Variants in CRYBG1 observed in about 807,000 individuals in gnomAD.
CRYBG1 encodes the protein beta/gamma crystallin domain-containing protein 1.
Under a neutral mutation model 189.2 loss-of-function variants are expected in CRYBG1, and 139 were observed. The ratio of observed to expected loss-of-function variants is 0.73; its 90% CI spans 0.64 to 0.85. The LOEUF is 0.85. Ranked by LOEUF, CRYBG1 falls within the 40% of genes least tolerant of loss-of-function variation. CRYBG1 has a pLI of 0.00. For missense variants in CRYBG1, 2,611 were observed against 2,675.8 expected (o/e 0.98, Z 0.53); for synonymous variants, 1,023 against 1,017.1 (o/e 1.01, Z -0.11).
chr6:106,553,660 G>T, intron 16 of CRYBG1, 93 bp downstream of exon 16: 1 of 849,382 alleles, frequency 1.2e-6, no homozygotes, highest in Non-Finnish European at 2.0e-6. Flanking sequence ...TTAGGTGCTT[G>T]GCACTATGCG....
rs772228590 is a variant in CRYBG1 at position 106,521,028 on chromosome 6, C to T, written c.3820C>T (p.Gln1274Ter). ...TATGACCACGGCTTTCAGTACTTCT[C>T]AGAACGGTTCCCTATCTCAGTCTTC... is the stretch of plus-strand genomic sequence containing the variant. ...NTMTTAFSTS[Q>*]NGSLSQSSVS... Residue 1274 changes from glutamine (Q) to a stop codon, truncating the protein, a stop_gained, in exon 4 of 22, where the codon CAG (glutamine) becomes TAG (stop). Transcript: ENST00000633556. LOFTEE classifies it high-confidence loss of function. 3 of 1,614,162 alleles carry T rather than the reference C, an allele frequency of 1.9e-6. No homozygotes were observed. Among genetic ancestry groups the T allele is most frequent in the Non-Finnish European group, 2.5e-6 (3 of 1,180,020 alleles).
At position 106,546,804 on chromosome 6, in the gene CRYBG1, A is replaced by C. The variant is rs75329146; in HGVS notation, c.5312+1871A>C. ...TCTTTAAAGCTAATTATTTAGGAGGAAAACATAGTGACCAACTTAGTCTGG... is the reference window on the plus strand; with the variant it reads ...TCTTTAAAGCTAATTATTTAGGAGGCAAACATAGTGACCAACTTAGTCTGG... On this transcript the variant is annotated intron_variant, in intron 13 of 21. Transcript: ENST00000633556. Among the ~76,000 whole-genome samples the C allele has an allele frequency of 2.6e-3, 399 of 152,364 alleles. 2 individuals are homozygous for C. Among genetic ancestry groups the C allele is most frequent in the Admixed American group, 4.1e-3 (63 of 15,298 alleles).
At chr6:106,444,317 A>C (rs907302244) in intron 1 of CRYBG1, among the ~76,000 whole-genome samples, 1 of 152,208 alleles carries the variant, frequency 6.6e-6, no homozygotes, top group Non-Finnish European at 1.5e-5. Context: ...TCTTATAAAG[A>C]GAAGCTGAAA....
intron 1 of CRYBG1, among the ~76,000 whole-genome samples, chr6:106,389,976 T>C (rs1770470009): frequency 6.6e-6 from 1 of 152,152 alleles, no homozygotes; most frequent in African/African-American, 2.4e-5. Context: ...GGATACTTTT[T>C]GTGTAAACCT....
chr6:106,420,428 G>A (rs1192194658), intron 1 of CRYBG1, among the ~76,000 whole-genome samples: 1 of 152,192 alleles, frequency 6.6e-6, no homozygotes, highest in African/African-American at 2.4e-5. Flanking sequence ...CAGTAAGTCT[G>A]CATTTTACAT....
chr6:106,558,446 C>T (rs1774612345), intron 17 of CRYBG1, 40 bp from the exon 18 acceptor site: 3 of 1,464,490 alleles, frequency 2.0e-6, no homozygotes, highest in Non-Finnish European at 2.8e-6. Context: ...GAATTATTAA[C>T]AAAGATGAAT....
chr6:106,499,904 G>A (rs1017185211), intron 2 of CRYBG1, among the ~76,000 whole-genome samples: 1 of 152,108 alleles, frequency 6.6e-6, no homozygotes, highest in African/African-American at 2.4e-5. Context: ...CTAAATATAA[G>A]TGAGATCATG....
chr6:106,540,220 G>A (rs1041780115), intron 9 of CRYBG1, among the ~76,000 whole-genome samples: 17 of 152,306 alleles, frequency 1.1e-4, no homozygotes, highest in Middle Eastern at 3.4e-3. Context: ...GAAGCAGGCC[G>A]CATCTGTCTT....
At chr6:106,368,505 T>C (rs542221934) in intron 1 of CRYBG1, among the ~76,000 whole-genome samples, 1 of 152,154 alleles carries the variant, frequency 6.6e-6, no homozygotes, top group Admixed American at 6.5e-5. Flanking sequence ...CTAATGCTTG[T>C]GAGGAGCTTA....
At chr6:106,549,576 T>TA (rs141485884) in intron 13 of CRYBG1, among the ~76,000 whole-genome samples, 210 of 146,110 alleles carry the variant, frequency 1.4e-3, no homozygotes, top group Non-Finnish European at 2.4e-3. Flanking sequence ...CTGACTCTAC[T>TA]AAAAAAAATA....
intron 2 of CRYBG1, among the ~76,000 whole-genome samples, chr6:106,500,282 G>A (rs1469647841): frequency 6.6e-6 from 1 of 152,108 alleles, no homozygotes; most frequent in East Asian, 1.9e-4. Context: ...CACCAACAGT[G>A]TATAAGAATT....
chr6:106,484,658 C>T (rs996510931), intron 2 of CRYBG1, among the ~76,000 whole-genome samples: 14 of 152,060 alleles, frequency 9.2e-5, no homozygotes, highest in Non-Finnish European at 2.1e-4. Context: ...TTTGGCTACT[C>T]AGGTTCTTTT....
intron 2 of CRYBG1, among the ~76,000 whole-genome samples, chr6:106,459,114 G>T (rs1360178044): frequency 6.6e-6 from 1 of 152,166 alleles, no homozygotes; most frequent in Non-Finnish European, 1.5e-5. Context: ...ATATTTATTT[G>T]TGATGTTTCC....
intron 1 of CRYBG1, chr6:106,449,515 G>A (rs1771735701): frequency 6.6e-6 from 1 of 152,234 alleles, no homozygotes; most frequent in Non-Finnish European, 1.5e-5. Context: ...AGTCCTAGGA[G>A]TCTTCTCTTG....
intron 20 of CRYBG1, among the ~76,000 whole-genome samples, chr6:106,563,408 A>T (rs1387835744): frequency 6.6e-6 from 1 of 152,148 alleles, no homozygotes; most frequent in Admixed American, 6.5e-5. Context: ...GAGATGTCAG[A>T]GGGAGATATA....
intron 3 of CRYBG1, among the ~76,000 whole-genome samples, chr6:106,517,712 C>T (rs982788612): frequency 5.3e-5 from 8 of 151,986 alleles, no homozygotes; most frequent in Admixed American, 6.6e-5. Context: ...ATAAAAACAA[C>T]TCTGTTCTAA....
intron 2 of CRYBG1, among the ~76,000 whole-genome samples, chr6:106,499,230 G>A (rs1437612183): frequency 1.4e-5 from 2 of 143,722 alleles, no homozygotes; most frequent in Admixed American, 7.2e-5. Context: ...TCAGCTCACC[G>A]CAACTTCCGC....
chr6:106,365,447 AAACC>A (rs1771967970), intron 1 of CRYBG1, among the ~76,000 whole-genome samples: 2 of 33,486 alleles, frequency 6.0e-5, no homozygotes, highest in Admixed American at 1.1e-3. Context: ...AAACGAAACA[AAACC>A]AAAAAAAAAA....
chr6:106,386,506 G>A (rs1365805472), intron 1 of CRYBG1, among the ~76,000 whole-genome samples: 5 of 152,200 alleles, frequency 3.3e-5, no homozygotes, highest in Admixed American at 3.3e-4. Context: ...ATATGAGTCT[G>A]CAAGCAATTG....
Sources: gnomAD v4.1 joint callset for allele counts (sites outside exome capture counted in the v4.1 genomes callset) on GRCh38, gnomAD v4.1.1 for gene constraint, MANE v1.5 for transcripts, NCBI Gene and HGNC (gene_info 2026-07-23, HGNC 2026-07-21) for gene names.